MLLT3: variants seen among roughly 807,000 people sequenced by gnomAD.
MLLT3 encodes MLLT3 super elongation complex subunit.
MLLT3 carries 4 observed loss-of-function variants against 53.2 expected under a neutral mutation model. That is an observed-to-expected ratio of 0.08 (90% CI 0.04 to 0.17). MLLT3 has a LOEUF of 0.17. MLLT3 is among the 10% of genes least tolerant of loss of function. The pLI is 1.00. For synonymous variants in MLLT3, 283 were observed against 230.6 expected, an observed-to-expected ratio of 1.23 and a Z score of -2.06; for missense variants, 569 against 684.0, an observed-to-expected ratio of 0.83 and a Z score of 1.87.
chr9:20,620,186 C>A lies in MLLT3; in HGVS notation c.193+468G>T, dbSNP rs761927703. On this transcript the variant is annotated intron_variant, in intron 2 of 10. Transcript: ENST00000380338. The surrounding 1 kb of genome is among the most constrained non-coding windows in gnomAD (Gnocchi z 6.1). ...CTAAAGAGAACCGACTTGCCAAGAC[C>A]GAACAATAACTACATCCAATACATT... is the stretch of plus-strand genomic sequence containing the variant. Among the ~76,000 whole-genome samples, 77 of 150,586 alleles carry A rather than the reference C, an allele frequency of 5.1e-4. No homozygotes were observed. Among genetic ancestry groups the A allele is most frequent in the Non-Finnish European group, 1.0e-3 (69 of 67,636 alleles).
chr9:20,509,273 C>G (rs1042986622), intron 2 of MLLT3, among the ~76,000 whole-genome samples: 1 of 151,984 alleles, frequency 6.6e-6, no homozygotes. Context: ...ATGGTGGATT[C>G]CTTTTTTTTA....
chr9:20,419,490 G>C (rs1295507067), intron 4 of MLLT3, among the ~76,000 whole-genome samples: 1 of 150,200 alleles, frequency 6.7e-6, no homozygotes, highest in Non-Finnish European at 1.5e-5. Context: ...CTAAAGAGAG[G>C]GCTGAATTAC....
At position 20,483,515 on chromosome 9, in the gene MLLT3, G is replaced by A. The variant is rs529178367; in HGVS notation, c.194-26729C>T. On this transcript the variant is annotated intron_variant, in intron 2 of 10. Transcript: ENST00000380338. ...CCCAAAATGCCGGGATTACAGGCAT[G>A]AGCCACTGTGCCTGGCCAATGATTA... 3.3e-5 allele frequency among the ~76,000 whole-genome samples: 5 copies of A among 151,814 alleles called. No homozygotes were observed. In the East Asian group the frequency reaches 5.8e-4, roughly 18 times the overall value.
chr9:20,541,792 T>G (rs1337257056), intron 2 of MLLT3, among the ~76,000 whole-genome samples: 1 of 152,222 alleles, frequency 6.6e-6, no homozygotes, highest in Non-Finnish European at 1.5e-5. Flanking sequence ...AGTTTTATCA[T>G]GAGATTGCCG....
chr9:20,397,272 C>G (rs1203238270), intron 5 of MLLT3, among the ~76,000 whole-genome samples: 1 of 152,088 alleles, frequency 6.6e-6, no homozygotes, highest in Non-Finnish European at 1.5e-5. Flanking sequence ...GCTTTTTGTA[C>G]ATTATTGGTT....
intron 2 of MLLT3, among the ~76,000 whole-genome samples, chr9:20,598,347 T>C (rs1256088102): frequency 2.0e-5 from 3 of 152,196 alleles, no homozygotes; most frequent in Non-Finnish European, 2.9e-5. Context: ...CTGAAATTTA[T>C]CCACTTACAA....
chr9:20,523,852 T>C (rs1818130201), intron 2 of MLLT3, among the ~76,000 whole-genome samples: 1 of 151,674 alleles, frequency 6.6e-6, no homozygotes, highest in South Asian at 2.1e-4. Context: ...GTGCCTATAG[T>C]CCCAGCTACT....
rs1002141900 is a variant in MLLT3, at chr9:20,431,418, C to T, written c.420+16705G>A. Among the ~76,000 whole-genome samples the T allele has an allele frequency of 2.6e-5, 4 of 152,172 alleles. No individual in the cohort carries two copies. The South Asian group carries it at 6.2e-4, about 24-fold the overall frequency. The stretch of plus-strand genomic sequence containing the variant: ...CTGAGTTACAGCAGTATTATTCAAA[C>T]AGAACTGGTTTAGGTAAGGCTGGAA... On this transcript the variant is annotated intron_variant, in intron 4 of 10. Coordinates refer to ENST00000380338, the MANE Select transcript of MLLT3 (RefSeq NM_004529.4).
rs1214833760 is a variant in MLLT3, at chr9:20,622,487, AAAG to A, written c.-234_-232del. On this transcript the variant is annotated 5_prime_UTR_variant, in exon 1 of 11. Coordinates refer to ENST00000380338, the MANE Select transcript of MLLT3 (RefSeq NM_004529.4). ...GCAGCAGCAGCAGCAGCTCCAGGGTAAAGAAGATGATTGCGGAGCATGCGCCGT... is the reference window on the plus strand; with the variant it reads ...GCAGCAGCAGCAGCAGCTCCAGGGTAAAGATGATTGCGGAGCATGCGCCGT... 5.6e-5 allele frequency: 28 copies of A among 503,864 alleles called. No individual in the cohort carries two copies. Among genetic ancestry groups the A allele is most frequent in the Admixed American group, 1.5e-4 (4 of 26,650 alleles). 31.2% of individuals were successfully genotyped at this position (503,864 alleles called of 1,614,324 possible). A position where few individuals can be genotyped will look rare whatever the true frequency, so the allele number is the denominator to read the frequency against.
At chr9:20,564,397 A>G (rs1316635920) in intron 2 of MLLT3, among the ~76,000 whole-genome samples, 1 of 150,612 alleles carries the variant, frequency 6.6e-6, no homozygotes, top group Non-Finnish European at 1.5e-5. Context: ...AGAAGAATGA[A>G]TCTCTGGAAA....
rs983689244 is a variant in MLLT3 at position 20,344,996 on chromosome 9, G to A, written c.*1447C>T. 1.4e-5 allele frequency: 3 copies of A among 216,330 alleles called. No individual in the cohort carries two copies. The highest frequency in any genetic ancestry group is 6.8e-5 in the African/African-American group (3 of 44,424). The allele number at this position is 216,330 out of a possible 1,614,324, so 13.4% of individuals were successfully genotyped here. On this transcript the variant is annotated 3_prime_UTR_variant, in exon 11 of 11. Transcript: ENST00000380338. ...AATTTCTAGTAAAAACTTTGAAGAT[G>A]AGCTGTTCTTACTTTTCATTTCTCC...
At chr9:20,379,998 T>G (rs1013054805) in intron 5 of MLLT3, among the ~76,000 whole-genome samples, 1 of 152,104 alleles carries the variant, frequency 6.6e-6, no homozygotes, top group African/African-American at 2.4e-5. Context: ...TCCTCGTTCA[T>G]GAATATGTAG....
intron 4 of MLLT3, among the ~76,000 whole-genome samples, chr9:20,429,492 A>G (rs1823215008): frequency 6.6e-6 from 1 of 152,208 alleles, no homozygotes. Context: ...CTAACTCAAG[A>G]ATATAAATGC....
intron 8 of MLLT3, among the ~76,000 whole-genome samples, chr9:20,357,798 T>C (rs558206518): frequency 6.6e-6 from 1 of 152,254 alleles, no homozygotes; most frequent in South Asian, 2.1e-4. Flanking sequence ...AACTCAGAGA[T>C]CATTATCAAT....
chr9:20,449,024 C>G (rs1823776530), intron 3 of MLLT3, among the ~76,000 whole-genome samples: 1 of 152,124 alleles, frequency 6.6e-6, no homozygotes, highest in Non-Finnish European at 1.5e-5. Flanking sequence ...ACCTCCATTT[C>G]TCTACCTACT....
chr9:20,536,850 G>GA (rs533826972), intron 2 of MLLT3, among the ~76,000 whole-genome samples: 3,911 of 117,686 alleles, frequency 0.033, 51 homozygotes, highest in Non-Finnish European at 0.038. Context: ...TGTTTAACTA[G>GA]AAAAAAAAAA....
intron 2 of MLLT3, among the ~76,000 whole-genome samples, chr9:20,505,255 G>A (rs1370697555): frequency 6.6e-6 from 1 of 152,220 alleles, no homozygotes; most frequent in East Asian, 1.9e-4. Flanking sequence ...CTTTCTGCAA[G>A]AAGCTTGGTT....
intron 2 of MLLT3, among the ~76,000 whole-genome samples, chr9:20,618,305 C>T (rs2131216204): frequency 6.6e-6 from 1 of 152,246 alleles, no homozygotes; most frequent in Non-Finnish European, 1.5e-5. Flanking sequence ...CATTCTTATT[C>T]TATATTTATT....
intron 4 of MLLT3, among the ~76,000 whole-genome samples, chr9:20,425,500 T>A (rs551494421): frequency 1.3e-5 from 2 of 152,214 alleles, no homozygotes; most frequent in East Asian, 1.9e-4. Flanking sequence ...TCATTTGCAC[T>A]TTAGAGACTT....
Sources: gnomAD v4.1 joint callset for allele counts (sites outside exome capture counted in the v4.1 genomes callset) on GRCh38, gnomAD v4.1.1 for gene constraint, Gnocchi (gnomAD v3.1) non-coding constraint, MANE v1.5 for transcripts, NCBI Gene and HGNC (gene_info 2026-07-23, HGNC 2026-07-21) for gene names.